NEK6: variants seen among roughly 807,000 people sequenced by gnomAD.
The protein encoded by NEK6 is serine/threonine-protein kinase Nek6.
In NEK6, 27 loss-of-function variants were observed where a neutral mutation model predicts 43.5. The observed-to-expected ratio is 0.62, with a 90% CI of 0.46 to 0.86. NEK6 has a LOEUF of 0.86. Among genes scored for constraint, NEK6 ranks in the 40% least tolerant of loss-of-function variants. NEK6 has a pLI of 0.00. For missense variants in NEK6, 318 were observed against 414.4 expected (o/e 0.77, Z 2.02); for synonymous variants, 167 against 164.1 (o/e 1.02, Z -0.14).
At chr9:124,305,214 A>C (rs1227684881) in intron 2 of NEK6, among the ~76,000 whole-genome samples, 1 of 152,198 alleles carries the variant, frequency 6.6e-6, no homozygotes, top group Non-Finnish European at 1.5e-5. Context: ...CAAAGCAGTG[A>C]TGCTAGTTGG....
At chr9:124,268,488 C>T (rs542980431) in intron 1 of NEK6, among the ~76,000 whole-genome samples, 2 of 152,352 alleles carry the variant, frequency 1.3e-5, no homozygotes, top group South Asian at 2.1e-4. Flanking sequence ...TAACAACCAC[C>T]TACTGTGTGC....
rs117656365 is a variant in NEK6, at chr9:124,348,699, T to C, written c.831+877T>C. Among the ~76,000 whole-genome samples, 468 of 152,334 alleles carry C rather than the reference T, an allele frequency of 3.1e-3. 2 individuals carry two copies. The highest frequency in any genetic ancestry group is 4.7e-3 in the Non-Finnish European group (319 of 68,022). ...AATGGATGGGGCCTGGCTCAGTCAG[T>C]GTTCACTAAATATCATGTGACCCTT... On this transcript the variant is annotated intron_variant, in intron 9 of 9. Transcript: ENST00000320246.
At position 124,339,635 on chromosome 9, in the gene NEK6, C is replaced by T; in HGVS notation, c.687C>T (p.Asp229=). The part of the protein sequence containing the change: ...IHENGYNFKS[D]IWSLGCLLYE... ...AGAACGGCTACAACTTCAAGTCCGA[C>T]ATCTGGTCCCTGGGCTGTCTGCTGT... Residue 229 remains aspartate (D), a synonymous_variant, in exon 8 of 10, where the codon GAC becomes GAT. Coordinates refer to ENST00000320246, the MANE Select transcript of NEK6 (RefSeq NM_014397.6). The T allele has an allele frequency of 6.2e-7, 1 of 1,614,076 alleles. No individual in the cohort carries two copies. The highest frequency in any genetic ancestry group is 8.5e-7 in the Non-Finnish European group (1 of 1,179,908).
chr9:124,262,845 G>C (rs552176546), intron 1 of NEK6: 2 of 152,282 alleles, frequency 1.3e-5, no homozygotes, highest in African/African-American at 4.8e-5. Context: ...GACAGGGGAA[G>C]GGGGAGGGAA....
chr9:124,321,341 C>T, intron 4 of NEK6, 118 bp from the exon 5 acceptor site: 1 of 645,496 alleles, frequency 1.5e-6, no homozygotes, highest in East Asian at 2.8e-5. Flanking sequence ...GGACCCACTT[C>T]TCTAGCAAAT....
chr9:124,344,342 C>A (rs1829805771), intron 8 of NEK6, among the ~76,000 whole-genome samples: 1 of 152,248 alleles, frequency 6.6e-6, no homozygotes, highest in Non-Finnish European at 1.5e-5. Context: ...GTCCCCCATA[C>A]CCTCTCTCAC....
chr9:124,264,415 C>G (rs539964820), intron 1 of NEK6, among the ~76,000 whole-genome samples: 1 of 152,196 alleles, frequency 6.6e-6, no homozygotes, highest in Non-Finnish European at 1.5e-5. Flanking sequence ...GGCACCAGCC[C>G]CGTGATCCTC....
chr9:124,299,124 C>A (rs1286251208), intron 1 of NEK6, among the ~76,000 whole-genome samples: 1 of 152,260 alleles, frequency 6.6e-6, no homozygotes, highest in East Asian at 1.9e-4. Flanking sequence ...GGTCTAGATT[C>A]CACTGCCACA....
chr9:124,295,753 C>T (rs568360922), intron 1 of NEK6, among the ~76,000 whole-genome samples: 16 of 152,340 alleles, frequency 1.1e-4, no homozygotes, highest in African/African-American at 3.6e-4. Context: ...TCTGGTGCTC[C>T]CTGCCAGCCA....
chr9:124,265,531 A>G (rs35068124), intron 1 of NEK6: 46,077 of 151,958 alleles, frequency 0.3, 7,280 homozygotes, highest in South Asian at 0.35. Flanking sequence ...CAAAAAAAAA[A>G]AGACAAGTTT....
intron 1 of NEK6, among the ~76,000 whole-genome samples, chr9:124,295,618 C>T (rs1040357767): frequency 2.6e-5 from 4 of 152,324 alleles, no homozygotes; most frequent in African/African-American, 9.6e-5. Context: ...TTTGGTTTCT[C>T]TTCTGAACAG....
At position 124,351,319 on chromosome 9, in the gene NEK6, G is replaced by A. The variant is rs1830262656; in HGVS notation, c.*372G>A. ...TTATGCTAACAGGAGACTTGCAGGAGACCGTGTGATTTGTGTAGTGAGCCT... is the reference window on the plus strand; with the variant it reads ...TTATGCTAACAGGAGACTTGCAGGAAACCGTGTGATTTGTGTAGTGAGCCT... On this transcript the variant is annotated 3_prime_UTR_variant, in exon 10 of 10. Coordinates refer to ENST00000320246, the MANE Select transcript of NEK6 (RefSeq NM_014397.6). 1 of 211,544 alleles carries A rather than the reference G, an allele frequency of 4.7e-6. No homozygotes were observed. The highest frequency in any genetic ancestry group is 8.3e-5 in the South Asian group (1 of 12,080). 13.1% of individuals were successfully genotyped at this position (211,544 alleles called of 1,614,324 possible). A position where few individuals can be genotyped will look rare whatever the true frequency, so the allele number is the denominator to read the frequency against.
At chr9:124,264,040 C>T (rs921080444) in intron 1 of NEK6, among the ~76,000 whole-genome samples, 1 of 152,250 alleles carries the variant, frequency 6.6e-6, no homozygotes, top group Non-Finnish European at 1.5e-5. Context: ...TGTCACAGGC[C>T]TGGCCGTGGG....
intron 7 of NEK6, among the ~76,000 whole-genome samples, chr9:124,339,210 G>A (rs1414639815): frequency 6.6e-6 from 1 of 151,814 alleles, no homozygotes; most frequent in Non-Finnish European, 1.5e-5. Flanking sequence ...TGCATTTTTA[G>A]TAGAGGCGGG....
intron 1 of NEK6, among the ~76,000 whole-genome samples, chr9:124,274,840 A>G (rs1831588852): frequency 1.3e-5 from 2 of 152,160 alleles, no homozygotes; most frequent in Non-Finnish European, 2.9e-5. Flanking sequence ...AAGGCTGGCA[A>G]TCATTGTCCT....
Position 124,327,445 on chromosome 9 carries a change from G to A in NEK6, c.622G>A (p.Val208Met). The part of the protein sequence containing the change: ...SSETTAAHSL[V>M]GTPYYMSPER... The stretch of plus-strand genomic sequence containing the variant: ...TGAGACCACCGCAGCCCACTCCCTA[G>A]GTAAGGGGGACCTGTCTGTGCCCCA... Residue 208 changes from valine to methionine, a missense_variant and splice_region_variant, in exon 7 of 10, where the codon GTG becomes ATG. Val to Met is a conservative substitution (Grantham distance 21). This residue lies in a region of NEK6 where 239 missense variants were observed against 344.4 expected (regional missense o/e 0.69). Coordinates refer to ENST00000320246, the MANE Select transcript of NEK6 (RefSeq NM_014397.6). The A allele has an allele frequency of 1.2e-6, 2 of 1,611,250 alleles. No individual in the cohort carries two copies. The highest frequency in any genetic ancestry group is 1.7e-6 in the Non-Finnish European group (2 of 1,178,988).
At chr9:124,313,053 C>G (rs189946514) in intron 3 of NEK6, among the ~76,000 whole-genome samples, 1 of 152,304 alleles carries the variant, frequency 6.6e-6, no homozygotes, top group African/African-American at 2.4e-5. Flanking sequence ...CAGTTCTGGG[C>G]TTCCTGCCTT....
intron 1 of NEK6, 199 bp downstream of exon 1, chr9:124,258,284 G>A (rs1032805194): frequency 4.1e-5 from 40 of 985,020 alleles, no homozygotes; most frequent in Non-Finnish European, 4.6e-5. Context: ...CGGGGGCGGC[G>A]TGTCCGCGTG....
At chr9:124,346,954 T>C (rs1829961643) in intron 8 of NEK6, among the ~76,000 whole-genome samples, 1 of 152,172 alleles carries the variant, frequency 6.6e-6, no homozygotes, top group Non-Finnish European at 1.5e-5. Context: ...GCCACAGGCC[T>C]GTGGGTGGGG....
Sources: gnomAD v4.1 joint callset for allele counts (sites outside exome capture counted in the v4.1 genomes callset) on GRCh38, gnomAD v4.1.1 for gene constraint, gnomAD v4.1.1 regional missense constraint, MANE v1.5 for transcripts, NCBI Gene and HGNC (gene_info 2026-07-23, HGNC 2026-07-21) for gene names.